The following DMTN variants were observed in gnomAD, a reference collection of about 807,000 sequenced individuals.
DMTN encodes dematin actin binding protein, also known as dematin.
In DMTN, 27 loss-of-function variants were observed where a neutral mutation model predicts 59.4. The ratio of observed to expected loss-of-function variants is 0.45; its 90% CI spans 0.33 to 0.63. DMTN has a LOEUF of 0.63. Ranked by LOEUF, DMTN falls within the 20% of genes least tolerant of loss-of-function variation. The pLI, the probability that DMTN is intolerant of heterozygous loss-of-function variation, is 0.02. For missense variants in DMTN, 451 were observed against 528.9 expected, an observed-to-expected ratio of 0.85 and a Z score of 1.45; for synonymous variants, 221 against 203.7, an observed-to-expected ratio of 1.08 and a Z score of -0.72.
At chr8:22,055,876 A>G (rs1802338109), upstream of DMTN, among the ~76,000 whole-genome samples, 1 of 151,910 alleles carries the variant, frequency 6.6e-6, no homozygotes, top group Non-Finnish European at 1.5e-5. Context: ...CAGATTCTAG[A>G]TTTCCCCAAC....
intron 1 of DMTN, among the ~76,000 whole-genome samples, chr8:22,061,743 A>T (rs1413687888): frequency 2.1e-5 from 3 of 145,774 alleles, no homozygotes; most frequent in Non-Finnish European, 4.5e-5. Flanking sequence ...GAGAACCTTA[A>T]TTCTCATTTT....
In DMTN at chr8:22,069,002, C is replaced by T. The variant is rs778480172; in HGVS notation, c.250-14C>T. On this transcript the variant is annotated splice_polypyrimidine_tract_variant and intron_variant, in intron 4 of 15. Transcript: ENST00000358242. Reference sequence around the variant, plus strand: ...TGCCCCTGTAGCTCTGACCAGCCCCCTCTCCATTCACAGCGCTCGCTGTCA... The same window carrying T: ...TGCCCCTGTAGCTCTGACCAGCCCCTTCTCCATTCACAGCGCTCGCTGTCA... 9.9e-6 allele frequency: 16 copies of T among 1,612,720 alleles called. No homozygotes were observed. Among genetic ancestry groups the T allele is most frequent in the Non-Finnish European group, 1.4e-5 (16 of 1,179,146 alleles).
upstream of DMTN, among the ~76,000 whole-genome samples, chr8:22,053,110 G>A (rs868702834): frequency 6.6e-6 from 1 of 152,196 alleles, no homozygotes; most frequent in Non-Finnish European, 1.5e-5. Context: ...GAATCAAGGC[G>A]GCAAAATGGG....
chr8:22,068,390 A>G (rs1812478009), intron 4 of DMTN, among the ~76,000 whole-genome samples: 1 of 152,214 alleles, frequency 6.6e-6, no homozygotes, highest in South Asian at 2.1e-4. Context: ...AGTCCAGGCA[A>G]CACAGGGAGA....
chr8:22,062,536 C>G (rs775103474), intron 1 of DMTN, among the ~76,000 whole-genome samples: 2 of 152,114 alleles, frequency 1.3e-5, no homozygotes, highest in Admixed American at 1.3e-4. Context: ...TCCTGTCTAC[C>G]GTTCTCTCTC....
rs1019011049 is a variant in DMTN at position 22,073,591 on chromosome 8, A to G, written c.730-139A>G. On this transcript the variant is annotated intron_variant, in intron 9 of 15. Coordinates refer to ENST00000358242, the MANE Select transcript of DMTN (RefSeq NM_001387751.1). The stretch of plus-strand genomic sequence containing the variant: ...GGTTGCAGTGAGCCATGTTTGTGCC[A>G]CTGAACTCCAGCCTGGGTGACAGAG... The G allele has an allele frequency of 4.6e-6, 3 of 645,726 alleles. No individual in the cohort carries two copies. In the African/African-American group the frequency reaches 5.8e-5, roughly 12 times the overall value. The allele number at this position is 645,726 out of a possible 1,614,324, so 40.0% of individuals were successfully genotyped here.
rs904528374 is a variant in DMTN at position 22,058,852 on chromosome 8, T to A, written c.-172+1716T>A. On this transcript the variant is annotated intron_variant, in intron 1 of 15. Coordinates refer to ENST00000358242, the MANE Select transcript of DMTN (RefSeq NM_001387751.1). The surrounding 1 kb of genome is among the most constrained non-coding windows in gnomAD (Gnocchi z 4.3). ...ACTTGGAGTTCAGGCTTCGCCTAAGTAAGGGACACCTCTGATGAGCCACTG... is the reference window on the plus strand; with the variant it reads ...ACTTGGAGTTCAGGCTTCGCCTAAGAAAGGGACACCTCTGATGAGCCACTG... Among the ~76,000 whole-genome samples, 2 of 152,042 alleles carry A rather than the reference T, an allele frequency of 1.3e-5. No homozygotes were observed. Among genetic ancestry groups the A allele is most frequent in the Non-Finnish European group, 2.9e-5 (2 of 68,004 alleles).
upstream of DMTN, among the ~76,000 whole-genome samples, chr8:22,051,629 C>T (rs1336339645): frequency 1.3e-5 from 2 of 152,310 alleles, no homozygotes; most frequent in South Asian, 2.1e-4. Flanking sequence ...GATTCCCTCC[C>T]GCTCTGCTCT....
chr8:22,053,754 C>T (rs933806575), upstream of DMTN: 1 of 152,404 alleles, frequency 6.6e-6, no homozygotes, highest in Non-Finnish European at 1.5e-5. Flanking sequence ...AGCGCCCATC[C>T]TCAAGGTCCT....
Position 22,080,438 on chromosome 8 carries a change from A to G in DMTN, c.927A>G (p.Ser309=), listed in dbSNP as rs757393278. 6.2e-6 allele frequency: 10 copies of G among 1,614,112 alleles called. No homozygotes were observed. Among genetic ancestry groups the G allele is most frequent in the Non-Finnish European group, 8.5e-6 (10 of 1,180,036 alleles). ...SRLQSTEFSP[S]GSETGSPGLQ... is the part of the protein sequence containing the mutation. The stretch of plus-strand genomic sequence containing the variant: ...TACAGTCCACAGAGTTCAGCCCATC[A>G]GGGAGTGAGACTGGAAGCCCAGGTG... The change falls in exon 12 of 16, where the codon TCA becomes TCG. Residue 309 remains serine, a synonymous_variant. Transcript: ENST00000358242.
chr8:22,050,152 A>C (rs1009902922), upstream of DMTN, among the ~76,000 whole-genome samples: 4 of 152,152 alleles, frequency 2.6e-5, no homozygotes, highest in African/African-American at 9.7e-5. Flanking sequence ...TGTTGGGGGT[A>C]GTTTTCTGGG....
In DMTN at chr8:22,062,679, C is replaced by T. The variant is rs561585745; in HGVS notation, c.-171-4026C>T. Reference sequence around the variant, plus strand: ...CCTGGCCAGCACCCCCATCACCCCCCCAATCCCTAACCACGAGGCCACTAT... The same window carrying T: ...CCTGGCCAGCACCCCCATCACCCCCTCAATCCCTAACCACGAGGCCACTAT... On this transcript the variant is annotated intron_variant, in intron 1 of 15. Transcript: ENST00000358242. Among the ~76,000 whole-genome samples, 169 of 152,172 alleles carry T rather than the reference C, an allele frequency of 1.1e-3. 1 individual carries two copies. The highest frequency in any genetic ancestry group is 3.8e-3 in the African/African-American group (157 of 41,494).
intron 1 of DMTN, among the ~76,000 whole-genome samples, chr8:22,057,660 G>A (rs1803443076): frequency 6.6e-6 from 1 of 152,172 alleles, no homozygotes; most frequent in Admixed American, 6.5e-5. Flanking sequence ...TGAAGAGTGA[G>A]GCTGTGGCAG....
chr8:22,060,468 C>T lies in DMTN; in HGVS notation c.-172+3332C>T, dbSNP rs1268467030. ...ATGCGCACGCACACACACATATACACACACTCTTCTCCACCCCCATTTTCC... is the reference window on the plus strand; with the variant it reads ...ATGCGCACGCACACACACATATACATACACTCTTCTCCACCCCCATTTTCC... On this transcript the variant is annotated intron_variant, in intron 1 of 15. Transcript: ENST00000358242. The surrounding 1 kb of genome is among the most constrained non-coding windows in gnomAD (Gnocchi z 5.0). Among the ~76,000 whole-genome samples, 1 of 152,124 alleles carries T rather than the reference C, an allele frequency of 6.6e-6. No homozygotes were observed. Among genetic ancestry groups the T allele is most frequent in the Non-Finnish European group, 1.5e-5 (1 of 68,044 alleles).
In DMTN at chr8:22,066,702, C is replaced by T. The variant is rs2130877975; in HGVS notation, c.-171-3C>T. The stretch of plus-strand genomic sequence containing the variant: ...GCGCGGCCTCCCTCCCTTCTCCCCG[C>T]AGCCTGGAGAGTCACCGCCGAGGGA... On this transcript the variant is annotated splice_polypyrimidine_tract_variant and splice_region_variant and intron_variant, in intron 1 of 15. Transcript: ENST00000358242. 3.2e-6 allele frequency: 2 copies of T among 629,392 alleles called. No individual in the cohort carries two copies. The highest frequency in any genetic ancestry group is 4.5e-6 in the Non-Finnish European group (2 of 448,352). 39.0% of individuals were successfully genotyped at this position (629,392 alleles called of 1,614,324 possible).
At chr8:22,063,805 A>G (rs1808354995) in intron 1 of DMTN, among the ~76,000 whole-genome samples, 2 of 152,002 alleles carry the variant, frequency 1.3e-5, no homozygotes, top group South Asian at 4.2e-4. Flanking sequence ...GTGACTTTTC[A>G]TAGTGCTTTA....
intron 13 of DMTN, 59 bp from the exon 14 acceptor site, chr8:22,080,746 G>A (rs1166853223): frequency 1.3e-6 from 2 of 1,590,804 alleles, no homozygotes; most frequent in South Asian, 2.3e-5. Flanking sequence ...AGAAGCCGGG[G>A]TAAGGCTGGG....
At chr8:22,065,327 G>A (rs1224659162) in intron 1 of DMTN, among the ~76,000 whole-genome samples, 3 of 152,196 alleles carry the variant, frequency 2.0e-5, no homozygotes, top group African/African-American at 7.2e-5. Context: ...ACCCTCCTGC[G>A]ATTAGCAGTC....
upstream of DMTN, among the ~76,000 whole-genome samples, chr8:22,050,735 C>T (rs1167971101): frequency 2.6e-5 from 4 of 152,152 alleles, no homozygotes; most frequent in Non-Finnish European, 5.9e-5. Flanking sequence ...AGGTATCCAG[C>T]GCCTGCTCCC....
Sources: gnomAD v4.1 joint callset for allele counts (sites outside exome capture counted in the v4.1 genomes callset) on GRCh38, gnomAD v4.1.1 for gene constraint, Gnocchi (gnomAD v3.1) non-coding constraint, MANE v1.5 for transcripts, NCBI Gene and HGNC (gene_info 2026-07-23, HGNC 2026-07-21) for gene names.